RNF38: variants seen among roughly 807,000 people sequenced by gnomAD.
RNF38 encodes ring finger protein 38.
A neutral mutation model predicts 67.2 loss-of-function variants in RNF38; 15 were observed. That is an observed-to-expected ratio of 0.22 (90% CI 0.15 to 0.34). The LOEUF is 0.34. Among genes scored for constraint, RNF38 ranks in the 10% least tolerant of loss-of-function variants. RNF38 has a pLI of 1.00. For missense variants in RNF38, 524 were observed against 639.9 expected (o/e 0.82, Z 1.95); for synonymous variants, 220 against 218.8 (o/e 1.01, Z -0.05).
intron 1 of RNF38, among the ~76,000 whole-genome samples, chr9:36,429,962 A>G (rs1838888195): frequency 6.6e-6 from 1 of 152,178 alleles, no homozygotes; most frequent in Non-Finnish European, 1.5e-5. Context: ...GGCCAACTAT[A>G]ATATACTTTA....
intron 1 of RNF38, among the ~76,000 whole-genome samples, chr9:36,391,514 T>C (rs961177771): frequency 2.0e-5 from 3 of 152,200 alleles, no homozygotes; most frequent in Non-Finnish European, 4.4e-5. Flanking sequence ...CATGGTCTTC[T>C]TTTTAGAGTT....
intron 3 of RNF38, among the ~76,000 whole-genome samples, chr9:36,371,081 C>T (rs1442008651): frequency 1.3e-5 from 2 of 152,184 alleles, no homozygotes; most frequent in African/African-American, 4.8e-5. Context: ...TGAAAAAGTA[C>T]TCTGCCTCAT....
rs113657382 is a variant in RNF38, at chr9:36,457,845, A to G, written n.241+29463T>C. Among the ~76,000 whole-genome samples the G allele has an allele frequency of 1.2e-3, 173 of 149,048 alleles. 3 individuals carry two copies. The highest frequency in any genetic ancestry group is 0.011 in the East Asian group (56 of 5,148). ...GTGACAGAGGGAGACTCCGTCTCCA[A>G]AAAAAAAAAAATTATCAGGGGACTT... On this transcript the variant is annotated intron_variant and non_coding_transcript_variant, in intron 1 of 3. Coordinates refer to the RNF38 transcript ENST00000488058.
At chr9:36,470,379 T>C (rs1055903984) in intron 1 of RNF38, among the ~76,000 whole-genome samples, 2 of 152,154 alleles carry the variant, frequency 1.3e-5, no homozygotes, top group Non-Finnish European at 2.9e-5. Flanking sequence ...TTTCTGGGAA[T>C]GGGAAGTAGG....
At chr9:36,342,706 T>C (rs912005157) in intron 10 of RNF38, among the ~76,000 whole-genome samples, 5 of 152,096 alleles carry the variant, frequency 3.3e-5, no homozygotes, top group African/African-American at 1.2e-4. Context: ...GATGTCCACA[T>C]ACAAAAGAAT....
chr9:36,447,554 C>T (rs1373341658), intron 1 of RNF38, among the ~76,000 whole-genome samples: 4 of 152,106 alleles, frequency 2.6e-5, no homozygotes, highest in African/African-American at 4.8e-5. Flanking sequence ...ATATATAATA[C>T]TAGTAAGTGG....
At chr9:36,476,327 C>T (rs1335167158) in intron 1 of RNF38, among the ~76,000 whole-genome samples, 2 of 151,944 alleles carry the variant, frequency 1.3e-5, no homozygotes, top group Admixed American at 1.3e-4. Context: ...CTTGGCCAAG[C>T]TGGTCTTGAA....
chr9:36,401,142 T>C (rs1298005642), upstream of RNF38: 3 of 982,722 alleles, frequency 3.1e-6, no homozygotes, highest in African/African-American at 1.8e-5. Context: ...TCCTCCCTTT[T>C]CCCCCAGGCT....
chr9:36,452,058 A>T (rs1279241100), intron 1 of RNF38, among the ~76,000 whole-genome samples: 1 of 151,984 alleles, frequency 6.6e-6, no homozygotes, highest in East Asian at 1.9e-4. Flanking sequence ...CTCTACTAAA[A>T]ATTTTTTTAA....
At chr9:36,471,312 G>A (rs545715370) in intron 1 of RNF38, among the ~76,000 whole-genome samples, 253 of 152,228 alleles carry the variant, frequency 1.7e-3, no homozygotes, top group African/African-American at 6.0e-3. Flanking sequence ...AGAAACAAGA[G>A]GTTTTAATCA....
intron 1 of RNF38, among the ~76,000 whole-genome samples, chr9:36,449,003 A>T (rs941312478): frequency 6.6e-6 from 1 of 151,986 alleles, no homozygotes; most frequent in Non-Finnish European, 1.5e-5. Flanking sequence ...CAAAAAAATT[A>T]AAAAAGAAAG....
At chr9:36,366,686 TAGTC>T (rs1324610508) in intron 4 of RNF38, among the ~76,000 whole-genome samples, 1 of 152,228 alleles carries the variant, frequency 6.6e-6, no homozygotes, top group Admixed American at 6.5e-5. Context: ...GATGTGGTAA[TAGTC>T]AGCATCCTGG....
intron 11 of RNF38, among the ~76,000 whole-genome samples, 199 bp from the exon 12 acceptor site, chr9:36,340,013 CTT>C (rs1832726192): frequency 6.6e-6 from 1 of 151,666 alleles, no homozygotes; most frequent in Non-Finnish European, 1.5e-5. Flanking sequence ...GAGTTTCGCT[CTT>C]GTTGCCCAGG....
At chr9:36,355,473 T>C (rs1469263694) in intron 6 of RNF38, among the ~76,000 whole-genome samples, 1 of 152,216 alleles carries the variant, frequency 6.6e-6, no homozygotes, top group African/African-American at 2.4e-5. Flanking sequence ...GTTAACAGAC[T>C]ACCTCATCTG....
chr9:36,481,649 A>G (rs1488892572), intron 1 of RNF38, among the ~76,000 whole-genome samples: 2 of 152,210 alleles, frequency 1.3e-5, no homozygotes, highest in Admixed American at 6.5e-5. Context: ...TTTAAAAATA[A>G]TAATAAAAAA....
chr9:36,413,124 G>A (rs1420513743), intron 2 of RNF38, among the ~76,000 whole-genome samples: 1 of 151,812 alleles, frequency 6.6e-6, no homozygotes, highest in Admixed American at 6.6e-5. Flanking sequence ...AGCTACTAGG[G>A]AGGCAGAGGC....
chr9:36,471,856 AG>A (rs1840006299), intron 1 of RNF38, among the ~76,000 whole-genome samples: 1 of 152,186 alleles, frequency 6.6e-6, no homozygotes, highest in Non-Finnish European at 1.5e-5. Flanking sequence ...CAGCCTCCCA[AG>A]TAGCTGGGAT....
Position 36,400,110 on chromosome 9 carries a change from C to T in RNF38, c.-2G>A. The T allele has an allele frequency of 6.2e-7, 1 of 1,612,594 alleles. No homozygotes were observed. Among genetic ancestry groups the T allele is most frequent in the South Asian group, 1.1e-5 (1 of 90,988 alleles). On this transcript the variant is annotated 5_prime_UTR_variant, in exon 1 of 12. Coordinates refer to ENST00000259605, the MANE Select transcript of RNF38 (RefSeq NM_022781.5). Reference sequence around the variant, plus strand: ...AAAATACTTTACCTTACAAGCCATACAGACGTAAACAAAAACTTTATTTCT... The same window carrying T: ...AAAATACTTTACCTTACAAGCCATATAGACGTAAACAAAAACTTTATTTCT...
chr9:36,439,631 C>G (rs904647636), intron 1 of RNF38, among the ~76,000 whole-genome samples: 1 of 151,652 alleles, frequency 6.6e-6, no homozygotes, highest in Admixed American at 6.6e-5. Context: ...ATGGCAAAAC[C>G]CCGTCTCTAC....
Sources: allele counts gnomAD v4.1 joint callset (sites outside exome capture counted in the v4.1 genomes callset), GRCh38; gene constraint gnomAD v4.1.1; transcripts MANE v1.5; gene names NCBI Gene and HGNC (gene_info 2026-07-23, HGNC 2026-07-21).